AQR: variants seen among roughly 807,000 people sequenced by gnomAD.
AQR encodes aquarius intron-binding spliceosomal factor, also known as RNA helicase aquarius.
Under a neutral mutation model 180.5 loss-of-function variants are expected in AQR, and 61 were observed. That is an observed-to-expected ratio of 0.34 (90% confidence interval 0.28 to 0.42). AQR has a LOEUF of 0.42. AQR is among the 10% of genes least tolerant of loss of function. The pLI, the probability that AQR is intolerant of heterozygous loss-of-function variation, is 1.00. For synonymous variants in AQR, 551 were observed against 588.8 expected (o/e 0.94, Z 0.93); for missense variants, 1,281 against 1,798.3 (o/e 0.71, Z 5.20).
chr15:34,888,299 A>G (rs1391424020), intron 24 of AQR, among the ~76,000 whole-genome samples: 2 of 151,922 alleles, frequency 1.3e-5, no homozygotes, highest in African/African-American at 4.8e-5. Flanking sequence ...CTCTGTCCCA[A>G]TAAATAAATA....
In AQR at chr15:34,940,996, G is replaced by T. The variant is rs1894014287; in HGVS notation, c.544C>A (p.Arg182=). 1.3e-6 allele frequency: 2 copies of T among 1,596,310 alleles called. No homozygotes were observed. The highest frequency in any genetic ancestry group is 2.7e-5 in the African/African-American group (2 of 73,896). The part of the protein sequence containing the change: ...LPMWMGLQLA[R]LELELKKTPK... ...GTCTTTTTTAATTCTAATTCCAATC[G>T]TGCCTGAAGAAGAGATGTGTTATTA... The change falls in exon 8 of 35, where the codon CGA becomes AGA. Residue 182 remains arginine, a synonymous_variant. Transcript: ENST00000156471.
chr15:34,930,555 A>G (rs1053356652), intron 11 of AQR, among the ~76,000 whole-genome samples, 184 bp from the exon 12 acceptor site: 2 of 152,260 alleles, frequency 1.3e-5, no homozygotes, highest in African/African-American at 4.8e-5. Context: ...ACATGAAAAT[A>G]AAGTATGTGA....
In AQR at chr15:34,920,259, A is replaced by T. The variant is rs1176263200; in HGVS notation, c.1221+73T>A. 5 of 1,078,292 alleles carry T rather than the reference A, an allele frequency of 4.6e-6. No homozygotes were observed. In the African/African-American group the frequency reaches 8.0e-5, roughly 17 times the overall value. The allele number at this position is 1,078,292 out of a possible 1,614,324, so 66.8% of individuals were successfully genotyped here. A position where few individuals can be genotyped will look rare whatever the true frequency, so the allele number is the denominator to read the frequency against. On this transcript the variant is annotated intron_variant, in intron 14 of 34. Transcript: ENST00000156471. ...TTGGCCCACAAAAAAATCTATATGA[A>T]CCTACATCTTTAAGAATGACTTTAA...
intron 2 of AQR, among the ~76,000 whole-genome samples, chr15:34,963,884 G>C (rs1278712179): frequency 2.0e-5 from 3 of 151,872 alleles, no homozygotes; most frequent in Non-Finnish European, 2.9e-5. Flanking sequence ...AGATGGTCTC[G>C]ATCTCCTGAC....
intron 20 of AQR, among the ~76,000 whole-genome samples, chr15:34,899,462 TCA>T (rs1199853006): frequency 1.3e-5 from 2 of 151,970 alleles, no homozygotes; most frequent in African/African-American, 2.4e-5. Flanking sequence ...CACTGCAGCC[TCA>T]CACTCCTGGG....
chr15:34,915,337 C>T (rs1893564679), intron 15 of AQR, among the ~76,000 whole-genome samples, 158 bp from the exon 16 acceptor site: 1 of 151,760 alleles, frequency 6.6e-6, no homozygotes, highest in South Asian at 2.1e-4. Flanking sequence ...ATTACAGGCA[C>T]CTGCCACCAT....
chr15:34,937,482 G>GT (rs1343832214), intron 9 of AQR, among the ~76,000 whole-genome samples: 2 of 152,032 alleles, frequency 1.3e-5, no homozygotes, highest in Admixed American at 6.6e-5. Flanking sequence ...TCATTCCATT[G>GT]TGTTTTTTTA....
chr15:34,908,957 C>T (rs1054264763), intron 17 of AQR, among the ~76,000 whole-genome samples: 4 of 152,112 alleles, frequency 2.6e-5, no homozygotes, highest in Non-Finnish European at 5.9e-5. Context: ...TCTCGAGGCT[C>T]AGCAATAATA....
intron 17 of AQR, 129 bp downstream of exon 17, chr15:34,910,006 C>G: frequency 9.1e-7 from 1 of 1,104,414 alleles, no homozygotes; most frequent in Non-Finnish European, 1.3e-6. Context: ...TTCTTTAAAT[C>G]AAATTTCAAG....
Position 34,882,474 on chromosome 15 carries a change from A to AC in AQR, c.3165+27_3165+28insG, listed in dbSNP as rs780309702. On this transcript the variant is annotated intron_variant, in intron 27 of 34. Coordinates refer to ENST00000156471, the MANE Select transcript of AQR (RefSeq NM_014691.3). ...CAATCTCTGATAATCTTAAAAAAAA[A>AC]AAAAAAAAAACTACCATAAGTCTTT... 16 of 1,448,074 alleles carry AC rather than the reference A, an allele frequency of 1.1e-5. No homozygotes were observed. The African/African-American group carries it at 2.2e-4, about 20-fold the overall frequency. The allele number at this position is 1,448,074 out of a possible 1,614,324, so 89.7% of individuals were successfully genotyped here. A position where few individuals can be genotyped will look rare whatever the true frequency, so the allele number is the denominator to read the frequency against.
At chr15:34,968,635 A>G (rs1477189757) in intron 1 of AQR, among the ~76,000 whole-genome samples, 3 of 152,184 alleles carry the variant, frequency 2.0e-5, no homozygotes, top group Admixed American at 2.0e-4. Context: ...AGCAACATGA[A>G]GAATGGGCTA....
chr15:34,941,977 C>T (rs776137626), intron 7 of AQR, 35 bp downstream of exon 7: 1 of 1,530,898 alleles, frequency 6.5e-7, no homozygotes, highest in Admixed American at 1.7e-5. Flanking sequence ...ACTTATAACA[C>T]ATACATTCAT....
chr15:34,934,280 A>G (rs1306329295), intron 10 of AQR, among the ~76,000 whole-genome samples: 1 of 148,878 alleles, frequency 6.7e-6, no homozygotes, highest in Admixed American at 6.7e-5. Context: ...TGTATACAAT[A>G]CTATATTATT....
At chr15:34,884,460 C>CAAA in intron 26 of AQR, 65 bp downstream of exon 26, 1 of 1,291,996 alleles carries the variant, frequency 7.7e-7, no homozygotes, top group African/African-American at 1.6e-5. Context: ...ACATTTACTT[C>CAAA]AAAAAAAAAC....
chr15:34,969,012 T>C (rs1159584040), intron 1 of AQR, among the ~76,000 whole-genome samples: 2 of 152,212 alleles, frequency 1.3e-5, no homozygotes, highest in South Asian at 2.1e-4. Context: ...CAATGCAAGA[T>C]AGTAAACAGA....
intron 14 of AQR, among the ~76,000 whole-genome samples, chr15:34,919,393 T>C (rs906941697): frequency 6.6e-6 from 1 of 152,216 alleles, no homozygotes; most frequent in African/African-American, 2.4e-5. Context: ...TTTTAACTTT[T>C]TGATCATAAA....
chr15:34,884,577 T>C lies in AQR; in HGVS notation c.2975A>G (p.Glu992Gly), dbSNP rs747039708. ...FKGRSYEEDM[E>G]IAEGCFRHIK... ...ATGCCTGAAACATCCTTCAGCAATT[T>C]CCATGTCTTCTTCATAAGATCTTCC... is the stretch of plus-strand genomic sequence containing the variant. Residue 992 changes from glutamate (E) to glycine (G), a missense_variant, in exon 26 of 35, where the codon GAA becomes GGA. Physicochemically the swap from Glu to Gly is moderately conservative, Grantham distance 98. Around this residue, in one of 9 missense-constraint regions of AQR, gnomAD observed 125 missense variants for 185.0 expected, o/e 0.68. Transcript: ENST00000156471. 4 of 1,603,518 alleles carry C rather than the reference T, an allele frequency of 2.5e-6. No individual in the cohort carries two copies. The South Asian group carries it at 4.5e-5, about 18-fold the overall frequency.
chr15:34,920,171 G>A (rs1000123959), intron 14 of AQR, among the ~76,000 whole-genome samples, 161 bp downstream of exon 14: 5 of 152,098 alleles, frequency 3.3e-5, no homozygotes, highest in African/African-American at 1.2e-4. Flanking sequence ...CGAAAGATGA[G>A]AAAACAAAAA....
chr15:34,930,657 T>A (rs748962300), intron 11 of AQR, among the ~76,000 whole-genome samples: 70 of 152,212 alleles, frequency 4.6e-4, no homozygotes, highest in Non-Finnish European at 9.4e-4. Context: ...GTTAAGGAGA[T>A]AATCTAAAGA....
Sources: allele counts gnomAD v4.1 joint callset (sites outside exome capture counted in the v4.1 genomes callset), GRCh38; gene constraint gnomAD v4.1.1; regional missense constraint gnomAD v4.1.1; transcripts MANE v1.5; gene names NCBI Gene and HGNC (gene_info 2026-07-23, HGNC 2026-07-21).